Variants in DOCK4 observed in about 807,000 individuals in gnomAD.
The protein encoded by DOCK4 is dedicator of cytokinesis protein 4.
A neutral mutation model predicts 268.1 loss-of-function variants in DOCK4; 97 were observed. The observed-to-expected ratio is 0.36, with a 90% CI of 0.31 to 0.43. The LOEUF (loss-of-function observed/expected upper bound fraction) is 0.43, where lower values mean the gene tolerates loss of function less well. Among genes scored for constraint, DOCK4 ranks in the 20% least tolerant of loss-of-function variants. The pLI is 1.00. For synonymous variants in DOCK4, 954 were observed against 887.2 expected (o/e 1.08, Z -1.34); for missense variants, 2,145 against 2,455.7 (o/e 0.87, Z 2.67).
chr7:112,104,708 T>C (rs1012847877), intron 1 of DOCK4, among the ~76,000 whole-genome samples: 1 of 152,154 alleles, frequency 6.6e-6, no homozygotes, highest in African/African-American at 2.4e-5. Flanking sequence ...CTAAGAAATA[T>C]AGAAAGAATA....
chr7:111,955,911 C>G (rs1796414011), intron 8 of DOCK4, among the ~76,000 whole-genome samples: 1 of 152,142 alleles, frequency 6.6e-6, no homozygotes, highest in South Asian at 2.1e-4. Flanking sequence ...TAGAAAAAGG[C>G]CTGCTGTATA....
chr7:111,739,147 A>G lies in DOCK4; in HGVS notation c.5219T>C (p.Val1740Ala). 6.2e-7 allele frequency: 1 copy of G among 1,612,918 alleles called. No individual in the cohort carries two copies. Among genetic ancestry groups the G allele is most frequent in the Non-Finnish European group, 8.5e-7 (1 of 1,178,894 alleles). ...RPCSAIYPTPVEPSQRMLFNH... is the reference protein window; with the variant it reads ...RPCSAIYPTPAEPSQRMLFNH... ...TACAAGGAGTACCTGCGAAGGCTCC[A>G]CAGGTGTTGGATAGATGGCACTGCA... The change falls in exon 49 of 53, where the codon GTG (valine) becomes GCG (alanine). Residue 1740 changes from valine (V) to alanine (A), a missense_variant. This residue lies in a region of DOCK4 where 547 missense variants were observed against 469.0 expected (regional missense o/e 1.17). Transcript: ENST00000428084.
intron 36 of DOCK4, among the ~76,000 whole-genome samples, chr7:111,770,223 C>CAAAAAAA (rs756689437): frequency 4.3e-5 from 3 of 69,474 alleles, no homozygotes; most frequent in Non-Finnish European, 1.0e-4. Flanking sequence ...GAGTGAAGAC[C>CAAAAAAA]AAAAAAAAAA....
intron 40 of DOCK4, 83 bp from the exon 41 acceptor site, chr7:111,758,873 G>T: frequency 7.9e-7 from 1 of 1,273,666 alleles, no homozygotes; most frequent in Non-Finnish European, 1.1e-6. Flanking sequence ...GCAGAGAGAA[G>T]AGGATGGGTA....
At chr7:111,882,596 T>C (rs1222987462) in intron 16 of DOCK4, among the ~76,000 whole-genome samples, 2 of 152,198 alleles carry the variant, frequency 1.3e-5, no homozygotes, top group Non-Finnish European at 2.9e-5. Context: ...TCTAGACTAT[T>C]ATGTGTGACT....
chr7:112,074,535 A>G (rs1204752599), intron 1 of DOCK4, among the ~76,000 whole-genome samples: 1 of 152,158 alleles, frequency 6.6e-6, no homozygotes, highest in Admixed American at 6.5e-5. Context: ...TAGATCTGCC[A>G]TGGGGATACT....
intron 1 of DOCK4, among the ~76,000 whole-genome samples, chr7:112,114,559 T>C (rs1444728829): frequency 3.3e-5 from 5 of 152,208 alleles, no homozygotes; most frequent in East Asian, 1.9e-4. Context: ...AGTTCACTTG[T>C]TTTCACTCTA....
chr7:112,066,565 T>TACACGTGTGTATATATGTATAC (rs147229930), intron 1 of DOCK4, among the ~76,000 whole-genome samples: 23 of 135,766 alleles, frequency 1.7e-4, no homozygotes, highest in African/African-American at 6.2e-4. Flanking sequence ...TACGTATATA[T>TACACGTGTGTATATATGTATAC]ACACGTGTGT....
At chr7:111,916,978 A>ATTTTTTTT (rs1562883508) in intron 12 of DOCK4, among the ~76,000 whole-genome samples, 5 of 83,008 alleles carry the variant, frequency 6.0e-5, no homozygotes, top group East Asian at 4.8e-4. Flanking sequence ...CCTTTCCCCC[A>ATTTTTTTT]TGTTTTTTTT....
chr7:111,809,368 A>G lies in DOCK4; in HGVS notation c.3040T>C (p.Phe1014Leu), dbSNP rs768037563. Residue 1014 changes from phenylalanine (F) to leucine (L), a missense_variant, in exon 29 of 53, where the codon TTT (phenylalanine) becomes CTT (leucine). This residue lies in a region of DOCK4 where 1,598 missense variants were observed against 1,986.7 expected (regional missense o/e 0.80). Transcript: ENST00000428084. ...WDSYFYLAVI[F>L]INQLCLQLEM... ...AACTGCAGACACAACTGGTTTATAAAAATGACTGCGAGGTAAAAGTAGGAA... is the reference window on the plus strand; with the variant it reads ...AACTGCAGACACAACTGGTTTATAAGAATGACTGCGAGGTAAAAGTAGGAA... The G allele has an allele frequency of 6.4e-7, 1 of 1,566,440 alleles. No homozygotes were observed. Among genetic ancestry groups the G allele is most frequent in the East Asian group, 2.3e-5 (1 of 42,852 alleles).
intron 1 of DOCK4, among the ~76,000 whole-genome samples, chr7:112,202,094 G>A (rs1820997826): frequency 1.3e-5 from 2 of 152,088 alleles, no homozygotes; most frequent in Admixed American, 6.5e-5. Flanking sequence ...ATCTGATGAT[G>A]GACACTTAGG....
At chr7:111,754,566 C>T (rs767181072) in intron 42 of DOCK4, among the ~76,000 whole-genome samples, 3 of 152,210 alleles carry the variant, frequency 2.0e-5, no homozygotes, top group Non-Finnish European at 4.4e-5. Context: ...TGCAGTGAAA[C>T]AAATGAACAT....
At chr7:111,764,143 C>G (rs1797626418) in intron 39 of DOCK4, among the ~76,000 whole-genome samples, 1 of 152,188 alleles carries the variant, frequency 6.6e-6, no homozygotes, top group African/African-American at 2.4e-5. Context: ...AATGCATGGT[C>G]ATTTCAACTG....
chr7:112,046,176 A>G (rs200393567), intron 1 of DOCK4, among the ~76,000 whole-genome samples: 3 of 152,260 alleles, frequency 2.0e-5, no homozygotes, highest in African/African-American at 7.2e-5. Flanking sequence ...ACTGGCAGGG[A>G]AAAAAAGCAA....
At chr7:112,031,119 A>T (rs945243968) in intron 1 of DOCK4, among the ~76,000 whole-genome samples, 1 of 152,234 alleles carries the variant, frequency 6.6e-6, no homozygotes, top group African/African-American at 2.4e-5. Flanking sequence ...ATTAACAACT[A>T]GATCAAAGAA....
At chr7:111,999,644 T>C (rs1800263890) in intron 3 of DOCK4, among the ~76,000 whole-genome samples, 1 of 152,014 alleles carries the variant, frequency 6.6e-6, no homozygotes, top group South Asian at 2.1e-4. Context: ...CCCTTTAGGA[T>C]GACCTAAAAT....
intron 16 of DOCK4, among the ~76,000 whole-genome samples, chr7:111,882,186 C>T (rs763705686): frequency 1.3e-5 from 2 of 151,766 alleles, no homozygotes; most frequent in Non-Finnish European, 2.9e-5. Flanking sequence ...TCTCATATAC[C>T]CCATAAATAT....
chr7:112,151,763 G>GAA (rs35436343), intron 1 of DOCK4, among the ~76,000 whole-genome samples: 72 of 139,460 alleles, frequency 5.2e-4, no homozygotes, highest in Middle Eastern at 3.6e-3. Flanking sequence ...TAGAGATGTG[G>GAA]AAAAAAAAAA....
intron 2 of DOCK4, among the ~76,000 whole-genome samples, chr7:112,002,552 G>A (rs371569997): frequency 2.0e-5 from 3 of 152,066 alleles, no homozygotes; most frequent in Non-Finnish European, 2.9e-5. Context: ...TAAACATTCC[G>A]ATATCACCAG....
Sources: gnomAD v4.1 joint callset for allele counts (sites outside exome capture counted in the v4.1 genomes callset) on GRCh38, gnomAD v4.1.1 for gene constraint, gnomAD v4.1.1 regional missense constraint, MANE v1.5 for transcripts, NCBI Gene and HGNC (gene_info 2026-07-23, HGNC 2026-07-21) for gene names.